The following CEP85L variants were observed in gnomAD, a reference collection of about 807,000 sequenced individuals.
CEP85L encodes the protein centrosomal protein of 85 kDa-like.
In CEP85L, 60 loss-of-function variants were observed where a neutral mutation model predicts 100.3. That is an observed-to-expected ratio of 0.60 (90% CI 0.49 to 0.74). The LOEUF (loss-of-function observed/expected upper bound fraction) is 0.74. Ranked by LOEUF, CEP85L falls within the 30% of genes least tolerant of loss-of-function variation. The probability of loss-of-function intolerance (pLI) is 0.00; values close to 1 mark genes in which losing one functional copy is unlikely to be tolerated. For missense variants in CEP85L, 973 were observed against 936.2 expected (o/e 1.04, Z -0.51); for synonymous variants, 319 against 322.7 (o/e 0.99, Z 0.12).
intron 3 of CEP85L, chr6:118,558,749 GTGTAAAAT>G (rs1286661584): frequency 6.1e-6 from 4 of 651,368 alleles, no homozygotes; most frequent in Non-Finnish European, 1.1e-5. Flanking sequence ...AGATGAATTA[GTGTAAAAT>G]TGTATTTTTT....
At chr6:118,521,591 T>C (rs1776670302) in intron 4 of CEP85L, among the ~76,000 whole-genome samples, 2 of 152,260 alleles carry the variant, frequency 1.3e-5, no homozygotes, top group South Asian at 4.1e-4. Context: ...CCACTACTGG[T>C]CTAGTGACTA....
chr6:118,647,654 G>T (rs184279092), intron 1 of CEP85L, among the ~76,000 whole-genome samples: 4 of 152,252 alleles, frequency 2.6e-5, no homozygotes, highest in African/African-American at 9.6e-5. Flanking sequence ...GAGCCACTGC[G>T]CCTGGCTTAT....
At chr6:118,696,984 G>T (rs1437460311) in intron 1 of CEP85L, among the ~76,000 whole-genome samples, 1 of 152,098 alleles carries the variant, frequency 6.6e-6, no homozygotes, top group Non-Finnish European at 1.5e-5. Context: ...CAGAAAAGGG[G>T]ACTATTTATT....
intron 1 of CEP85L, among the ~76,000 whole-genome samples, chr6:118,709,556 T>TGTGTGTGTGTGTGTGAGA (rs751698371): frequency 8.4e-5 from 12 of 142,318 alleles, no homozygotes; most frequent in African/African-American, 3.4e-4. Context: ...TGTGTGTGTG[T>TGTGTGTGTGTGTGTGAGA]GAGAGAGAGA....
chr6:118,561,444 A>C (rs919489138), intron 3 of CEP85L, among the ~76,000 whole-genome samples: 2 of 152,274 alleles, frequency 1.3e-5, no homozygotes, highest in East Asian at 3.9e-4. Flanking sequence ...ACTATAACTC[A>C]AATTATAAAG....
chr6:118,646,746 T>C (rs1490585402), intron 1 of CEP85L, among the ~76,000 whole-genome samples: 2 of 152,228 alleles, frequency 1.3e-5, no homozygotes, highest in African/African-American at 2.4e-5. Flanking sequence ...GTAATTAGGC[T>C]ATAACTCAGG....
At chr6:118,635,999 G>A (rs9372510) in intron 1 of CEP85L, among the ~76,000 whole-genome samples, 4,395 of 152,262 alleles carry the variant, frequency 0.029, 105 homozygotes, top group African/African-American at 0.056. Flanking sequence ...TTTCTGTCAA[G>A]AGCCAGATTG....
rs527443810 is a variant in CEP85L at position 118,707,446 on chromosome 6, G to A, written c.-28+2590C>T. 1.7e-4 allele frequency among the ~76,000 whole-genome samples: 26 copies of A among 152,032 alleles called. No individual in the cohort carries two copies. The East Asian group carries it at 2.1e-3, about 12-fold the overall frequency. On this transcript the variant is annotated intron_variant, in intron 1 of 13. Coordinates refer to the CEP85L transcript ENST00000368488. ...TGGGCTCAAGCAATCCTCCCGCCTC[G>A]GCCTCCCAAAGTGCTGGGATTATAG... is the stretch of plus-strand genomic sequence containing the variant.
At chr6:118,535,042 A>T (rs1777509300) in intron 3 of CEP85L, among the ~76,000 whole-genome samples, 1 of 152,158 alleles carries the variant, frequency 6.6e-6, no homozygotes, top group South Asian at 2.1e-4. Context: ...ATAAATAAAT[A>T]ATAAAAATAA....
chr6:118,491,153 C>A (rs776978441), intron 6 of CEP85L, among the ~76,000 whole-genome samples: 3 of 147,410 alleles, frequency 2.0e-5, no homozygotes, highest in African/African-American at 7.5e-5. Context: ...ACATTCTCAC[C>A]AATAGTGTAA....
chr6:118,701,506 A>C (rs531696407), intron 1 of CEP85L, among the ~76,000 whole-genome samples: 3 of 152,366 alleles, frequency 2.0e-5, no homozygotes, highest in African/African-American at 7.2e-5. Flanking sequence ...CATTATCCTA[A>C]GCAAATTAAT....
intron 5 of CEP85L, among the ~76,000 whole-genome samples, chr6:118,509,457 CAAGAT>C (rs1775845319): frequency 6.6e-6 from 1 of 151,916 alleles, no homozygotes; most frequent in Non-Finnish European, 1.5e-5. Flanking sequence ...GACAGAAGTC[CAAGAT>C]GAGACCAAAT....
intron 1 of CEP85L, among the ~76,000 whole-genome samples, chr6:118,636,623 T>C (rs1186950205): frequency 1.4e-5 from 2 of 147,404 alleles, no homozygotes; most frequent in Admixed American, 1.3e-4. Context: ...CCCTCCATAA[T>C]GTGGGTGGGC....
chr6:118,532,624 A>G (rs1009444337), intron 3 of CEP85L, among the ~76,000 whole-genome samples: 1 of 152,212 alleles, frequency 6.6e-6, no homozygotes, highest in Non-Finnish European at 1.5e-5. Context: ...TTCTAAGAAA[A>G]TATCAATTAC....
chr6:118,590,068 C>T (rs1781096066), intron 2 of CEP85L, among the ~76,000 whole-genome samples: 1 of 136,412 alleles, frequency 7.3e-6, no homozygotes, highest in Non-Finnish European at 1.6e-5. Flanking sequence ...CACACACACA[C>T]ATACACACGT....
At chr6:118,673,315 C>G (rs146607052) in intron 1 of CEP85L, among the ~76,000 whole-genome samples, 160 of 152,192 alleles carry the variant, frequency 1.1e-3, no homozygotes, top group African/African-American at 3.7e-3. Flanking sequence ...CATTGAATAT[C>G]CAAAGGGATA....
At position 118,565,978 on chromosome 6, in the gene CEP85L, C is replaced by G; in HGVS notation, c.571G>C (p.Ala191Pro). 1 of 1,614,176 alleles carries G rather than the reference C, an allele frequency of 6.2e-7. No homozygotes were observed. Among genetic ancestry groups the G allele is most frequent in the Non-Finnish European group, 8.5e-7 (1 of 1,180,022 alleles). Reference protein sequence around the residue: ...NGLEKIGKAKALTSQLRTIGP... With the variant: ...NGLEKIGKAKPLTSQLRTIGP... The stretch of plus-strand genomic sequence containing the variant: ...ATTGTCCTCAGTTGTGATGTTAAAG[C>G]CTTAGCCTTCCCTATCTTCTCCAAA... Residue 191 changes from alanine to proline, a missense_variant, in exon 3 of 13, where the codon GCT becomes CCT. Around this residue, in one of 3 missense-constraint regions of CEP85L, gnomAD observed 890 missense variants for 844.5 expected, o/e 1.05. Coordinates refer to ENST00000368491, the MANE Select transcript of CEP85L (RefSeq NM_001042475.3).
intron 3 of CEP85L, among the ~76,000 whole-genome samples, chr6:118,542,915 A>C (rs1003535560): frequency 6.6e-6 from 1 of 150,542 alleles, no homozygotes; most frequent in East Asian, 1.9e-4. Context: ...AAAAAAAAAA[A>C]AAAAAAAACA....
At chr6:118,693,309 A>C (rs1445934358) in intron 1 of CEP85L, among the ~76,000 whole-genome samples, 1 of 152,172 alleles carries the variant, frequency 6.6e-6, no homozygotes, top group Non-Finnish European at 1.5e-5. Context: ...TTTCTTAAAA[A>C]TTTCCATGCT....
Sources: allele counts gnomAD v4.1 joint callset (sites outside exome capture counted in the v4.1 genomes callset), GRCh38; gene constraint gnomAD v4.1.1; regional missense constraint gnomAD v4.1.1; transcripts MANE v1.5; gene names NCBI Gene and HGNC (gene_info 2026-07-23, HGNC 2026-07-21).